Variants in GRM7 observed in about 807,000 individuals in gnomAD.
GRM7 encodes the protein metabotropic glutamate receptor 7.
GRM7 carries 35 observed loss-of-function variants against 84.5 expected under a neutral mutation model. That is an observed-to-expected ratio of 0.41 (90% confidence interval 0.32 to 0.55). The LOEUF (loss-of-function observed/expected upper bound fraction) is 0.55, where lower values mean the gene tolerates loss of function less well. GRM7 is among the 20% of genes least tolerant of loss of function. The pLI, the probability that GRM7 is intolerant of heterozygous loss-of-function variation, is 0.19. For synonymous variants in GRM7, 487 were observed against 455.1 expected (o/e 1.07, Z -0.89); for missense variants, 1,003 against 1,194.6 (o/e 0.84, Z 2.36).
intron 8 of GRM7, among the ~76,000 whole-genome samples, chr3:7,653,438 G>A (rs1192798922): frequency 4.6e-5 from 7 of 152,054 alleles, no homozygotes; most frequent in African/African-American, 1.7e-4. Flanking sequence ...AGAAGCCATT[G>A]GATTTCTCTG....
intron 4 of GRM7, among the ~76,000 whole-genome samples, chr3:7,332,552 G>A (rs1701248842): frequency 6.6e-6 from 1 of 152,146 alleles, no homozygotes. Flanking sequence ...TAACAACCAA[G>A]TCTTGAAAGA....
chr3:7,430,200 G>C (rs1449042087), intron 5 of GRM7, among the ~76,000 whole-genome samples: 1 of 152,208 alleles, frequency 6.6e-6, no homozygotes, highest in Non-Finnish European at 1.5e-5. Flanking sequence ...TTTAATGGTT[G>C]CAGCCTATAG....
At chr3:6,867,449 A>G (rs1220451516) in intron 1 of GRM7, among the ~76,000 whole-genome samples, 2 of 152,160 alleles carry the variant, frequency 1.3e-5, no homozygotes, top group East Asian at 1.9e-4. Context: ...AAACTGCAGG[A>G]TGTATAGGCC....
chr3:7,313,847 A>G (rs1226546905), intron 4 of GRM7, among the ~76,000 whole-genome samples: 1 of 152,086 alleles, frequency 6.6e-6, no homozygotes, highest in Non-Finnish European at 1.5e-5. Flanking sequence ...ATATAAACTA[A>G]CGAATGCTCT....
intron 4 of GRM7, among the ~76,000 whole-genome samples, chr3:7,339,122 G>A (rs575539755): frequency 6.6e-6 from 1 of 152,026 alleles, no homozygotes; most frequent in Non-Finnish European, 1.5e-5. Context: ...TATGTTCTAG[G>A]TAGGGATATG....
At chr3:7,461,779 T>C in intron 7 of GRM7, 57 bp downstream of exon 7, 1 of 1,512,100 alleles carries the variant, frequency 6.6e-7, no homozygotes, top group African/African-American at 1.4e-5. Context: ...AGACTTTTAA[T>C]TTGCTCAGTT....
rs78193513 is a variant in GRM7 at position 7,232,074 on chromosome 3, G to A, written c.737-66610G>A. On this transcript the variant is annotated intron_variant, in intron 2 of 9. Coordinates refer to ENST00000357716, the MANE Select transcript of GRM7 (RefSeq NM_000844.4). ...GAAGCAGGAAATAGAAGATTTCCTG[G>A]ATGCAGTTATATCTGAGATGACTTT... Among the ~76,000 whole-genome samples, 1,462 of 152,178 alleles carry A rather than the reference G, an allele frequency of 9.6e-3. 11 individuals are homozygous for A. The highest frequency in any genetic ancestry group is 0.014 in the Non-Finnish European group (943 of 67,984).
At chr3:7,427,965 G>C (rs1331453267) in intron 5 of GRM7, among the ~76,000 whole-genome samples, 1 of 152,008 alleles carries the variant, frequency 6.6e-6, no homozygotes, top group Non-Finnish European at 1.5e-5. Flanking sequence ...TGTTTCTTTT[G>C]TTCCAAACTG....
chr3:7,265,951 C>T (rs551120394), intron 2 of GRM7, among the ~76,000 whole-genome samples: 1 of 152,228 alleles, frequency 6.6e-6, no homozygotes, highest in East Asian at 1.9e-4. Context: ...CCATCTGATG[C>T]TTCTTTGAGA....
chr3:6,956,966 C>A (rs1056411881), intron 1 of GRM7, among the ~76,000 whole-genome samples: 1 of 152,122 alleles, frequency 6.6e-6, no homozygotes, highest in South Asian at 2.1e-4. Flanking sequence ...AGAAGAACAT[C>A]GAGTTTACAT....
intron 7 of GRM7, among the ~76,000 whole-genome samples, chr3:7,494,263 C>A (rs1206374173): frequency 6.6e-6 from 1 of 152,104 alleles, no homozygotes; most frequent in Admixed American, 6.6e-5. Flanking sequence ...TTACAGTGAG[C>A]AGTTATCTTC....
At chr3:6,993,341 G>A (rs780184291) in intron 1 of GRM7, among the ~76,000 whole-genome samples, 2 of 152,116 alleles carry the variant, frequency 1.3e-5, no homozygotes, top group Non-Finnish European at 2.9e-5. Flanking sequence ...CTTCTTGGAG[G>A]TATCAAAAAG....
chr3:7,506,522 A>G (rs2124971646), intron 7 of GRM7, among the ~76,000 whole-genome samples: 1 of 152,284 alleles, frequency 6.6e-6, no homozygotes, highest in South Asian at 2.1e-4. Context: ...TTCTTAGTAG[A>G]ATTTTCTGTC....
chr3:7,735,223 A>G (rs944500029), intron 9 of GRM7, among the ~76,000 whole-genome samples: 1 of 152,206 alleles, frequency 6.6e-6, no homozygotes, highest in African/African-American at 2.4e-5. Flanking sequence ...GTTTCATACA[A>G]AAGTTAGTTT....
chr3:7,353,083 G>C (rs1693232135), intron 4 of GRM7, among the ~76,000 whole-genome samples: 1 of 152,036 alleles, frequency 6.6e-6, no homozygotes, highest in African/African-American at 2.4e-5. Flanking sequence ...ATGTGCAGTA[G>C]TGGTTGCCTC....
intron 7 of GRM7, among the ~76,000 whole-genome samples, chr3:7,465,351 C>T (rs1023857362): frequency 1.4e-4 from 21 of 152,010 alleles, no homozygotes; most frequent in Admixed American, 3.9e-4. Context: ...ACTGAGATAA[C>T]GGGACTTGGT....
intron 7 of GRM7, among the ~76,000 whole-genome samples, chr3:7,469,688 T>C (rs779710): frequency 0.47 from 71,741 of 151,966 alleles, 17,980 homozygotes; most frequent in African/African-American, 0.66. Flanking sequence ...TGAACCAGGA[T>C]GAGGAAGGTC....
chr3:7,618,291 A>T (rs1697202682), intron 8 of GRM7, among the ~76,000 whole-genome samples: 1 of 152,114 alleles, frequency 6.6e-6, no homozygotes, highest in Non-Finnish European at 1.5e-5. Context: ...GGTTAGTGTG[A>T]TCATTAAATT....
chr3:7,129,316 G>A (rs112421354), intron 1 of GRM7, among the ~76,000 whole-genome samples: 47 of 152,246 alleles, frequency 3.1e-4, no homozygotes, highest in African/African-American at 5.1e-4. Context: ...GCCGTTATCC[G>A]TTTACAAGTT....
Sources: allele counts gnomAD v4.1 joint callset (sites outside exome capture counted in the v4.1 genomes callset), GRCh38; gene constraint gnomAD v4.1.1; transcripts MANE v1.5; gene names NCBI Gene and HGNC (gene_info 2026-07-23, HGNC 2026-07-21).